Variants in ACSL3 observed in about 807,000 individuals in gnomAD.
The protein encoded by ACSL3 is fatty acid CoA ligase Acsl3.
ACSL3 carries 34 observed loss-of-function variants against 84.7 expected under a neutral mutation model. The ratio of observed to expected loss-of-function variants is 0.40; its 90% confidence interval spans 0.31 to 0.53. The LOEUF is 0.53. Ranked by LOEUF, ACSL3 falls within the 20% of genes least tolerant of loss-of-function variation. The pLI is 0.48. For missense variants in ACSL3, 680 were observed against 873.1 expected (o/e 0.78, Z 2.79); for synonymous variants, 315 against 299.4 (o/e 1.05, Z -0.54).
intron 3 of ACSL3, among the ~76,000 whole-genome samples, chr2:222,903,236 C>G (rs1696201929): frequency 6.6e-6 from 1 of 152,120 alleles, no homozygotes; most frequent in Non-Finnish European, 1.5e-5. Context: ...CTCCTGGTCT[C>G]AAGTCATCCT....
At chr2:222,938,752 C>A (rs1015331848) in intron 16 of ACSL3, among the ~76,000 whole-genome samples, 1 of 152,144 alleles carries the variant, frequency 6.6e-6, no homozygotes, top group South Asian at 2.1e-4. Flanking sequence ...TTCTGAACTC[C>A]TATAATGAGC....
rs185282730 is a variant in ACSL3, at chr2:222,878,571, A to G, written c.-206-9259A>G. 1.2e-4 allele frequency among the ~76,000 whole-genome samples: 18 copies of G among 152,186 alleles called. No individual in the cohort carries two copies. The East Asian group carries it at 2.9e-3, about 24-fold the overall frequency. On this transcript the variant is annotated intron_variant, in intron 1 of 16. Coordinates refer to ENST00000357430, the MANE Select transcript of ACSL3 (RefSeq NM_004457.5). The stretch of plus-strand genomic sequence containing the variant: ...CCCTTAATCCTTTATCCTACAATTG[A>G]ATATACTGTTTCTGAGGAATTCTGT...
chr2:222,921,527 C>A, intron 8 of ACSL3, 97 bp downstream of exon 8: 1 of 1,227,854 alleles, frequency 8.1e-7, no homozygotes, highest in Non-Finnish European at 1.1e-6. Context: ...TAAATTAGTC[C>A]CTCAGAGTCT....
At chr2:222,890,828 A>C (rs2106102559) in intron 2 of ACSL3, among the ~76,000 whole-genome samples, 1 of 152,284 alleles carries the variant, frequency 6.6e-6, no homozygotes, top group Non-Finnish European at 1.5e-5. Context: ...TTTTTAATAG[A>C]GACGGGGTTT....
chr2:222,867,628 G>A (rs62187224), intron 1 of ACSL3, among the ~76,000 whole-genome samples: 13,648 of 152,142 alleles, frequency 0.09, 727 homozygotes, highest in Non-Finnish European at 0.12. Flanking sequence ...GTAGATTTAG[G>A]TCATTTATTT....
At chr2:222,918,979 A>T in intron 6 of ACSL3, 85 bp from the exon 7 acceptor site, 1 of 1,491,732 alleles carries the variant, frequency 6.7e-7, no homozygotes, top group Non-Finnish European at 9.0e-7. Flanking sequence ...TTACTTAATG[A>T]TTCACCGAAT....
intron 4 of ACSL3, 30 bp from the exon 5 acceptor site, chr2:222,916,289 C>A: frequency 7.2e-7 from 1 of 1,384,212 alleles, no homozygotes; most frequent in Non-Finnish European, 9.5e-7. Flanking sequence ...ATTTTGATTA[C>A]ATTAAAAAAA....
intron 1 of ACSL3, among the ~76,000 whole-genome samples, chr2:222,865,794 CTG>C (rs3219912): frequency 0.11 from 16,117 of 150,020 alleles, 1,270 homozygotes; most frequent in African/African-American, 0.22. Context: ...TTTGGATCCT[CTG>C]TGTGTGTGTG....
rs1210250061 is a variant in ACSL3 at position 222,941,895 on chromosome 2, T to C, written c.*241T>C. On this transcript the variant is annotated 3_prime_UTR_variant, in exon 17 of 17. Transcript: ENST00000357430. Reference sequence around the variant, plus strand: ...TACCACCTATGACTGTACTTGTCAGTATGAGAATTTTTCTGAATCATATTG... The same window carrying C: ...TACCACCTATGACTGTACTTGTCAGCATGAGAATTTTTCTGAATCATATTG... The C allele has an allele frequency of 8.4e-6, 3 of 358,092 alleles. No homozygotes were observed. Among genetic ancestry groups the C allele is most frequent in the African/African-American group, 6.2e-5 (3 of 48,178 alleles). 22.2% of individuals were successfully genotyped at this position (358,092 alleles called of 1,614,324 possible). A position where few individuals can be genotyped will look rare whatever the true frequency, so the allele number is the denominator to read the frequency against.
At position 222,941,847 on chromosome 2, in the gene ACSL3, T is replaced by C. The variant is rs547434673; in HGVS notation, c.*193T>C. ...AAACTTGTGTCTGTCTCTTCTTTCA[T>C]TTTCCCCGCCACCAACTTACTTTAC... is the stretch of plus-strand genomic sequence containing the variant. On this transcript the variant is annotated 3_prime_UTR_variant, in exon 17 of 17. Coordinates refer to ENST00000357430, the MANE Select transcript of ACSL3 (RefSeq NM_004457.5). 5 of 547,362 alleles carry C rather than the reference T, an allele frequency of 9.1e-6. No homozygotes were observed. The South Asian group carries it at 2.0e-4, about 22-fold the overall frequency. 33.9% of individuals were successfully genotyped at this position (547,362 alleles called of 1,614,324 possible).
chr2:222,933,419 T>A, intron 15 of ACSL3, 139 bp downstream of exon 15: 2 of 579,396 alleles, frequency 3.5e-6, no homozygotes, highest in Non-Finnish European at 5.9e-6. Context: ...CTCCTTCTCA[T>A]TGCAGCCATT....
chr2:222,926,028 G>T (rs1044102696), intron 11 of ACSL3, among the ~76,000 whole-genome samples: 5 of 152,136 alleles, frequency 3.3e-5, no homozygotes, highest in South Asian at 2.1e-4. Context: ...TATTTCTTCA[G>T]TGAGTTGTAA....
intron 6 of ACSL3, 109 bp from the exon 7 acceptor site, chr2:222,918,955 T>C (rs1181704413): frequency 1.5e-6 from 2 of 1,355,654 alleles, no homozygotes; most frequent in African/African-American, 1.5e-5. Context: ...TTCTTTCTTT[T>C]TTGAGGCAAG....
chr2:222,880,698 T>C (rs982423631), intron 1 of ACSL3, among the ~76,000 whole-genome samples: 1 of 151,380 alleles, frequency 6.6e-6, no homozygotes, highest in Non-Finnish European at 1.5e-5. Flanking sequence ...GGCGTGGTGG[T>C]GGGTGCCTGG....
Position 222,941,702 on chromosome 2 carries a change from G to C in ACSL3, c.*48G>C. ...TGCTACAGTGAGCTCAGATCAAATAGGAAAATACTTGAAATGCATGTCTCA... is the reference window on the plus strand; with the variant it reads ...TGCTACAGTGAGCTCAGATCAAATACGAAAATACTTGAAATGCATGTCTCA... On this transcript the variant is annotated 3_prime_UTR_variant, in exon 17 of 17. Coordinates refer to ENST00000357430, the MANE Select transcript of ACSL3 (RefSeq NM_004457.5). The C allele has an allele frequency of 6.5e-7, 1 of 1,540,958 alleles. No homozygotes were observed. The highest frequency in any genetic ancestry group is 8.8e-7 in the Non-Finnish European group (1 of 1,140,792).
At chr2:222,877,305 G>T (rs1284153492) in intron 1 of ACSL3, among the ~76,000 whole-genome samples, 1 of 152,144 alleles carries the variant, frequency 6.6e-6, no homozygotes, top group African/African-American at 2.4e-5. Context: ...AGATTGTTTA[G>T]AGGGTGTTTT....
At chr2:222,893,754 C>T (rs1429416983) in intron 2 of ACSL3, among the ~76,000 whole-genome samples, 1 of 151,912 alleles carries the variant, frequency 6.6e-6, no homozygotes, top group Non-Finnish European at 1.5e-5. Flanking sequence ...CTTTCCCTCT[C>T]CTTCCCTTCC....
intron 16 of ACSL3, among the ~76,000 whole-genome samples, chr2:222,935,034 A>G (rs1457850152): frequency 1.3e-5 from 2 of 152,142 alleles, no homozygotes; most frequent in Admixed American, 1.3e-4. Flanking sequence ...ACTTTATACA[A>G]TGTTAGAGTA....
intron 3 of ACSL3, among the ~76,000 whole-genome samples, chr2:222,908,041 G>A (rs1433214407): frequency 6.6e-6 from 1 of 152,150 alleles, no homozygotes; most frequent in Admixed American, 6.5e-5. Context: ...CCCAGTGAAC[G>A]TGTAGGTTGC....
Sources: gnomAD v4.1 joint callset for allele counts (sites outside exome capture counted in the v4.1 genomes callset) on GRCh38, gnomAD v4.1.1 for gene constraint, MANE v1.5 for transcripts, NCBI Gene and HGNC (gene_info 2026-07-23, HGNC 2026-07-21) for gene names.